The following OR3A2 variants were observed in gnomAD, a reference collection of about 807,000 sequenced individuals.
The protein encoded by OR3A2 is olfactory receptor family 3 subfamily A member 2.
For missense variants in OR3A2, 318 were observed against 392.8 expected, an observed-to-expected ratio of 0.81 and a Z score of 1.61; for synonymous variants, 126 against 159.3, an observed-to-expected ratio of 0.79 and a Z score of 1.57.
At chr17:3,331,575 T>A (rs1448866503) in intron 3 of OR3A2, among the ~76,000 whole-genome samples, 1 of 152,014 alleles carries the variant, frequency 6.6e-6, no homozygotes, top group Non-Finnish European at 1.5e-5. Context: ...TCAGCTCCTT[T>A]AAGCACTTCT....
chr17:3,368,383 C>A (rs904909228), intron 2 of OR3A2, among the ~76,000 whole-genome samples: 8 of 152,128 alleles, frequency 5.3e-5, no homozygotes, highest in Admixed American at 3.3e-4. Context: ...AGACTTAAAT[C>A]TTTGATCCAT....
chr17:3,345,420 A>AAG (rs776616904), intron 2 of OR3A2, among the ~76,000 whole-genome samples: 22,535 of 117,190 alleles, frequency 0.19, 2,218 homozygotes, highest in African/African-American at 0.33. Context: ...AAAAAAAGGA[A>AAG]AGAGAGAGAG....
chr17:3,381,848 G>C (rs1396661896), intron 2 of OR3A2, among the ~76,000 whole-genome samples: 2 of 152,118 alleles, frequency 1.3e-5, no homozygotes, highest in African/African-American at 4.8e-5. Flanking sequence ...AGGAAAGTTA[G>C]GACAAAACCT....
chr17:3,306,946 G>C (rs2049004897), intron 3 of OR3A2, among the ~76,000 whole-genome samples: 1 of 152,234 alleles, frequency 6.6e-6, no homozygotes, highest in Non-Finnish European at 1.5e-5. Context: ...AACAAGGCAT[G>C]TGGTTCAACT....
At chr17:3,378,820 T>C (rs909344864) in intron 2 of OR3A2, among the ~76,000 whole-genome samples, 1 of 152,192 alleles carries the variant, frequency 6.6e-6, no homozygotes, top group Admixed American at 6.5e-5. Flanking sequence ...TGCAGTTTCA[T>C]TTCAGTACCT....
chr17:3,385,719 C>CA (rs1280441054), intron 1 of OR3A2, among the ~76,000 whole-genome samples: 1 of 152,182 alleles, frequency 6.6e-6, no homozygotes, highest in East Asian at 1.9e-4. Flanking sequence ...CTAGAACACT[C>CA]TTCTGAGATT....
At chr17:3,292,003 T>C in intron 3 of OR3A2, 1 of 1,614,202 alleles carries the variant, frequency 6.2e-7, no homozygotes, top group South Asian at 1.1e-5. Context: ...AGTTGGGTGC[T>C]GGAGCAGGAG....
At chr17:3,291,089 T>C (rs2048861345) in intron 3 of OR3A2, 1 of 152,374 alleles carries the variant, frequency 6.6e-6, no homozygotes, top group Non-Finnish European at 1.5e-5. Context: ...CTCTGTCCCC[T>C]GTCTATGCTA....
intron 2 of OR3A2, 58 bp from the exon 2 acceptor site, chr17:3,336,184 C>T (rs532640227): frequency 6.6e-6 from 1 of 152,314 alleles, no homozygotes; most frequent in South Asian, 2.1e-4. Context: ...CACTAGTCAT[C>T]CAAATACAAC....
At chr17:3,297,647 TG>T (rs1201378735) in intron 3 of OR3A2, among the ~76,000 whole-genome samples, 1 of 150,034 alleles carries the variant, frequency 6.7e-6, no homozygotes, top group Non-Finnish European at 1.5e-5. Flanking sequence ...TACTCCATTG[TG>T]GCTTGCCAAC....
intron 1 of OR3A2, among the ~76,000 whole-genome samples, chr17:3,385,549 T>C (rs947570688): frequency 6.6e-6 from 1 of 152,172 alleles, no homozygotes; most frequent in Non-Finnish European, 1.5e-5. Flanking sequence ...ATTTTAAACT[T>C]ATTCACTGTA....
rs575349192 is a variant in OR3A2 at position 3,383,891 on chromosome 17, T to G, written c.-266A>C. ...TCACCTCTGTTTTCATTCATTGCTC[T>G]TCCAAAAGCTTCATTCAACAAATAT... is the stretch of plus-strand genomic sequence containing the variant. On this transcript the variant is annotated 5_prime_UTR_variant, in exon 2 of 5. Transcript: ENST00000573491. The G allele has an allele frequency of 1.8e-4, 27 of 152,268 alleles. No individual in the cohort carries two copies. The South Asian group carries it at 5.6e-3, about 32-fold the overall frequency. 9.4% of individuals were successfully genotyped at this position (152,268 alleles called of 1,614,324 possible).
chr17:3,301,426 A>C (rs2048964928), intron 3 of OR3A2, among the ~76,000 whole-genome samples: 1 of 152,010 alleles, frequency 6.6e-6, no homozygotes, highest in African/African-American at 2.4e-5. Flanking sequence ...TTTGATTTGC[A>C]TTTCTCTGAT....
intron 2 of OR3A2, among the ~76,000 whole-genome samples, chr17:3,379,550 C>T (rs947471129): frequency 6.6e-6 from 1 of 152,166 alleles, no homozygotes; most frequent in Non-Finnish European, 1.5e-5. Flanking sequence ...TCCTCTCCTC[C>T]CCCAGGTTCT....
intron 2 of OR3A2, among the ~76,000 whole-genome samples, chr17:3,350,551 A>T (rs2049411625): frequency 6.6e-6 from 1 of 151,642 alleles, no homozygotes; most frequent in Non-Finnish European, 1.5e-5. Context: ...ATAGCTTACC[A>T]ACCAAAAAGA....
intron 3 of OR3A2, among the ~76,000 whole-genome samples, chr17:3,307,478 G>A (rs1395353520): frequency 6.6e-6 from 1 of 152,210 alleles, no homozygotes; most frequent in Non-Finnish European, 1.5e-5. Flanking sequence ...CTGTTAATGA[G>A]AGTCAGTGAG....
chr17:3,297,261 C>T (rs540047812), intron 3 of OR3A2, among the ~76,000 whole-genome samples: 9 of 152,330 alleles, frequency 5.9e-5, no homozygotes, highest in Non-Finnish European at 1.0e-4. Context: ...AAATCATTCA[C>T]TATAAATACT....
chr17:3,341,668 C>T (rs1015107883), intron 2 of OR3A2, among the ~76,000 whole-genome samples: 1 of 152,146 alleles, frequency 6.6e-6, no homozygotes, highest in Non-Finnish European at 1.5e-5. Flanking sequence ...TGTGGGTAAC[C>T]CGACCTTTCT....
chr17:3,315,459 T>C lies in OR3A2; in HGVS notation c.-85+20574A>G, dbSNP rs538181519. 5.1e-3 allele frequency among the ~76,000 whole-genome samples: 774 copies of C among 152,300 alleles called. 4 individuals carry two copies. The highest frequency in any genetic ancestry group is 0.018 in the African/African-American group (736 of 41,572). On this transcript the variant is annotated intron_variant, in intron 3 of 4. Transcript: ENST00000573491. ...ATTAGTGATGCTGAGCACTTTTTCC[T>C]GGGTTTGTCGGCCACTTGTATGTCT...
Sources: allele counts gnomAD v4.1 joint callset (sites outside exome capture counted in the v4.1 genomes callset), GRCh38; gene constraint gnomAD v4.1.1; transcripts MANE v1.5; gene names NCBI Gene and HGNC (gene_info 2026-07-23, HGNC 2026-07-21).